BRINP1: variants seen among roughly 807,000 people sequenced by gnomAD.
BRINP1 encodes the protein BMP/retinoic acid inducible neural specific 1.
In BRINP1, 17 loss-of-function variants were observed where a neutral mutation model predicts 72.9. The observed-to-expected ratio is 0.23, with a 90% CI of 0.16 to 0.35. The LOEUF is 0.35. Ranked by LOEUF, BRINP1 falls within the 10% of genes least tolerant of loss-of-function variation. BRINP1 has a pLI of 1.00. For missense variants in BRINP1, 850 were observed against 1,001.6 expected (o/e 0.85, Z 2.04); for synonymous variants, 418 against 378.5 (o/e 1.10, Z -1.21).
At chr9:119,248,675 G>A (rs1032313396) in intron 3 of BRINP1, among the ~76,000 whole-genome samples, 10 of 152,170 alleles carry the variant, frequency 6.6e-5, no homozygotes, top group South Asian at 6.2e-4. Flanking sequence ...CTGAGAAAAT[G>A]ATCAGATTAG....
At chr9:119,330,507 G>T (rs539548684) in intron 1 of BRINP1, among the ~76,000 whole-genome samples, 1 of 152,276 alleles carries the variant, frequency 6.6e-6, no homozygotes, top group South Asian at 2.1e-4. Context: ...CAGTAGGAGT[G>T]AACCCTCCCA....
chr9:119,296,590 A>C (rs1830880824), intron 2 of BRINP1, among the ~76,000 whole-genome samples: 1 of 152,214 alleles, frequency 6.6e-6, no homozygotes, highest in East Asian at 1.9e-4. Flanking sequence ...AGTTTCTCAC[A>C]ATAACCAAAA....
intron 7 of BRINP1, among the ~76,000 whole-genome samples, chr9:119,188,139 AG>A (rs1829644185): frequency 6.6e-6 from 1 of 152,158 alleles, no homozygotes; most frequent in Non-Finnish European, 1.5e-5. Flanking sequence ...AAGGCATAGA[AG>A]GCTTATTTAA....
chr9:119,184,170 T>C (rs552241838), intron 7 of BRINP1, among the ~76,000 whole-genome samples: 2 of 152,254 alleles, frequency 1.3e-5, no homozygotes, highest in African/African-American at 4.8e-5. Flanking sequence ...AGTGAGTCAA[T>C]TGCCCTACTT....
At chr9:119,323,555 AT>A (rs2119005765) in intron 1 of BRINP1, among the ~76,000 whole-genome samples, 1 of 152,262 alleles carries the variant, frequency 6.6e-6, no homozygotes, top group African/African-American at 2.4e-5. Flanking sequence ...CTAAAGATAC[AT>A]TTTCCTACAT....
chr9:119,226,535 T>A (rs1166098344), intron 5 of BRINP1, among the ~76,000 whole-genome samples: 1 of 152,016 alleles, frequency 6.6e-6, no homozygotes, highest in East Asian at 1.9e-4. Flanking sequence ...TGCTTAGAAT[T>A]CTTTACTCCT....
chr9:119,315,067 G>T (rs958952968), intron 1 of BRINP1, among the ~76,000 whole-genome samples: 1 of 152,088 alleles, frequency 6.6e-6, no homozygotes, highest in Non-Finnish European at 1.5e-5. Flanking sequence ...ATTTAAAAAA[G>T]CGTTATTTGT....
chr9:119,188,525 G>T (rs1340347042), intron 7 of BRINP1, among the ~76,000 whole-genome samples: 1 of 152,170 alleles, frequency 6.6e-6, no homozygotes, highest in Non-Finnish European at 1.5e-5. Flanking sequence ...AGACTGTGGA[G>T]GCTGAGAGGG....
At chr9:119,168,902 A>G (rs1829362094) in intron 7 of BRINP1, among the ~76,000 whole-genome samples, 2 of 152,214 alleles carry the variant, frequency 1.3e-5, no homozygotes, top group South Asian at 4.1e-4. Context: ...AGTCAGTTCA[A>G]CCATTGTGGA....
At chr9:119,235,242 CA>C (rs1370869457) in intron 5 of BRINP1, among the ~76,000 whole-genome samples, 5 of 152,150 alleles carry the variant, frequency 3.3e-5, no homozygotes, top group African/African-American at 1.2e-4. Flanking sequence ...CCATGGTATC[CA>C]TTGCTCTCAA....
intron 1 of BRINP1, among the ~76,000 whole-genome samples, chr9:119,321,117 G>A: frequency 6.6e-6 from 1 of 152,176 alleles, no homozygotes; most frequent in Non-Finnish European, 1.5e-5. Flanking sequence ...ACTTTTAGTA[G>A]AGACAGGGTT....
chr9:119,297,626 TTTTTG>T (rs1830893955), intron 2 of BRINP1, among the ~76,000 whole-genome samples: 2 of 152,194 alleles, frequency 1.3e-5, no homozygotes, highest in South Asian at 4.1e-4. Context: ...CGTTCCATTC[TTTTTG>T]TTTTATTTTT....
At chr9:119,187,381 A>C (rs1037699693) in intron 7 of BRINP1, among the ~76,000 whole-genome samples, 90 of 151,950 alleles carry the variant, frequency 5.9e-4, no homozygotes, top group African/African-American at 2.1e-3. Context: ...TAACCTTAAC[A>C]ATCTACCTTG....
intron 1 of BRINP1, among the ~76,000 whole-genome samples, chr9:119,329,741 C>T (rs1371831459): frequency 6.6e-6 from 1 of 152,134 alleles, no homozygotes; most frequent in Non-Finnish European, 1.5e-5. Context: ...TTTAATAAAA[C>T]AGGCATAATT....
At chr9:119,278,855 T>C (rs1400242508) in intron 2 of BRINP1, among the ~76,000 whole-genome samples, 1 of 152,058 alleles carries the variant, frequency 6.6e-6, no homozygotes, top group African/African-American at 2.4e-5. Flanking sequence ...GCCACTGCAC[T>C]CCGACATGGT....
intron 7 of BRINP1, among the ~76,000 whole-genome samples, chr9:119,208,505 T>C (rs1326069666): frequency 6.6e-6 from 1 of 152,158 alleles, no homozygotes; most frequent in Non-Finnish European, 1.5e-5. Flanking sequence ...TGAAAATTCA[T>C]GGTACATTCA....
chr9:119,299,388 C>T (rs972043642), intron 2 of BRINP1, among the ~76,000 whole-genome samples: 12 of 151,964 alleles, frequency 7.9e-5, no homozygotes, highest in African/African-American at 1.2e-4. Context: ...CCGAGGCAGA[C>T]GGATCACCTG....
chr9:119,245,243 T>C (rs1265488751), intron 3 of BRINP1, among the ~76,000 whole-genome samples: 1 of 152,174 alleles, frequency 6.6e-6, no homozygotes, highest in Non-Finnish European at 1.5e-5. Flanking sequence ...TATATGTGAA[T>C]GATGTGTACA....
At chr9:119,323,650 T>G (rs2119005844) in intron 1 of BRINP1, among the ~76,000 whole-genome samples, 1 of 152,246 alleles carries the variant, frequency 6.6e-6, no homozygotes, top group South Asian at 2.1e-4. Context: ...TAAGAAAAGG[T>G]TAGCATTAAA....
Sources: allele counts gnomAD v4.1 joint callset (sites outside exome capture counted in the v4.1 genomes callset), GRCh38; gene constraint gnomAD v4.1.1; transcripts MANE v1.5; gene names NCBI Gene and HGNC (gene_info 2026-07-23, HGNC 2026-07-21).